CTNNA3: variants seen among roughly 807,000 people sequenced by gnomAD.
CTNNA3 encodes the protein catenin alpha-3.
A neutral mutation model predicts 95.7 loss-of-function variants in CTNNA3; 76 were observed. That is an observed-to-expected ratio of 0.79 (90% CI 0.66 to 0.96). The LOEUF (loss-of-function observed/expected upper bound fraction) is 0.96. Ranked by LOEUF, CTNNA3 falls within the 40% of genes least tolerant of loss-of-function variation. The probability of loss-of-function intolerance (pLI) is 0.00; values close to 1 mark genes in which losing one functional copy is unlikely to be tolerated. For synonymous variants in CTNNA3, 431 were observed against 374.4 expected (o/e 1.15, Z -1.74); for missense variants, 1,191 against 1,089.8 (o/e 1.09, Z -1.31).
intron 15 of CTNNA3, among the ~76,000 whole-genome samples, chr10:66,021,254 C>G (rs1480807164): frequency 2.6e-5 from 4 of 152,114 alleles, no homozygotes; most frequent in Non-Finnish European, 5.9e-5. Context: ...ATCAAACCTA[C>G]TAAATTAGGA....
chr10:67,135,305 A>C (rs1860236567), intron 7 of CTNNA3, among the ~76,000 whole-genome samples: 1 of 152,102 alleles, frequency 6.6e-6, no homozygotes, highest in African/African-American at 2.4e-5. Flanking sequence ...CTTTCAGCTG[A>C]GCATAATCCC....
intron 1 of CTNNA3, among the ~76,000 whole-genome samples, chr10:67,656,810 A>T (rs1195055835): frequency 2.0e-5 from 3 of 152,160 alleles, no homozygotes; most frequent in Non-Finnish European, 2.9e-5. Flanking sequence ...AGGCCAGTGT[A>T]AGCAGGGCAG....
rs534737987 is a variant in CTNNA3 at position 66,518,842 on chromosome 10, T to G, written c.1531+1775A>C. Among the ~76,000 whole-genome samples, 22 of 152,144 alleles carry G rather than the reference T, an allele frequency of 1.4e-4. No homozygotes were observed. The South Asian group carries it at 2.3e-3, about 16-fold the overall frequency. ...TTTTTTTCCCATACATTTTCTATAT[T>G]TCCAAAGATTTTGATTCTATAAAAA... On this transcript the variant is annotated intron_variant, in intron 11 of 17. Coordinates refer to ENST00000433211, the MANE Select transcript of CTNNA3 (RefSeq NM_013266.4).
chr10:67,638,996 A>AAT (rs1212537049), intron 2 of CTNNA3, among the ~76,000 whole-genome samples: 2 of 152,202 alleles, frequency 1.3e-5, no homozygotes, highest in Non-Finnish European at 2.9e-5. Flanking sequence ...GAAAGCAAGA[A>AAT]ATAAGTAAGA....
chr10:65,913,934 A>G lies in CTNNA3; in HGVS notation c.*6396T>C, dbSNP rs1380514071. On this transcript the variant is annotated 3_prime_UTR_variant, in exon 18 of 18. Transcript: ENST00000433211. ...AGCTGGGCTGTCAGAATAGAAAAGCAAGATATCTACAGGCTTTTGAACTAT... is the reference window on the plus strand; with the variant it reads ...AGCTGGGCTGTCAGAATAGAAAAGCGAGATATCTACAGGCTTTTGAACTAT... 1.3e-5 allele frequency: 2 copies of G among 152,174 alleles called. No homozygotes were observed. The highest frequency in any genetic ancestry group is 4.8e-5 in the African/African-American group (2 of 41,450). 9.4% of individuals were successfully genotyped at this position (152,174 alleles called of 1,614,324 possible).
chr10:66,038,722 A>T (rs1006677454), intron 15 of CTNNA3, among the ~76,000 whole-genome samples: 2 of 152,186 alleles, frequency 1.3e-5, no homozygotes, highest in African/African-American at 4.8e-5. Context: ...GCATGAAAGG[A>T]TGAGAAGTTT....
intron 11 of CTNNA3, among the ~76,000 whole-genome samples, chr10:66,486,016 C>A (rs1250008473): frequency 6.6e-6 from 1 of 152,096 alleles, no homozygotes; most frequent in Non-Finnish European, 1.5e-5. Flanking sequence ...GATAAAACTG[C>A]AGAAGAATAC....
intron 9 of CTNNA3, among the ~76,000 whole-genome samples, chr10:66,663,137 T>A (rs956200743): frequency 6.6e-6 from 1 of 152,112 alleles, no homozygotes; most frequent in African/African-American, 2.4e-5. Flanking sequence ...TATCTTACTA[T>A]AATCTATTCT....
rs376650412 is a variant in CTNNA3 at position 67,019,279 on chromosome 10, C to T, written c.1047+161038G>A. On this transcript the variant is annotated intron_variant, in intron 7 of 17. Transcript: ENST00000433211. Reference sequence around the variant, plus strand: ...TGTTGCCCAGGCTGGAGTGTAATGGCGTTATCTTGGCTCACCACAACCTCT... The same window carrying T: ...TGTTGCCCAGGCTGGAGTGTAATGGTGTTATCTTGGCTCACCACAACCTCT... 5.9e-5 allele frequency among the ~76,000 whole-genome samples: 9 copies of T among 152,064 alleles called. No individual in the cohort carries two copies. The South Asian group carries it at 1.2e-3, about 21-fold the overall frequency.
At chr10:67,336,699 C>T (rs1256686210) in intron 5 of CTNNA3, among the ~76,000 whole-genome samples, 1 of 152,180 alleles carries the variant, frequency 6.6e-6, no homozygotes, top group Non-Finnish European at 1.5e-5. Flanking sequence ...GCTAATGCAG[C>T]TGATGACTCT....
chr10:67,516,241 A>G (rs945713323), intron 5 of CTNNA3, among the ~76,000 whole-genome samples: 3 of 152,144 alleles, frequency 2.0e-5, no homozygotes, highest in African/African-American at 4.8e-5. Flanking sequence ...GTTAGCCCCA[A>G]TGGAAAGTTA....
chr10:67,533,210 G>A (rs1840388038), intron 4 of CTNNA3, among the ~76,000 whole-genome samples: 1 of 152,042 alleles, frequency 6.6e-6, no homozygotes, highest in Admixed American at 6.6e-5. Flanking sequence ...TGTAATCCCA[G>A]CTACTCGGGA....
At chr10:67,521,380 A>G (rs973146612) in intron 5 of CTNNA3, among the ~76,000 whole-genome samples, 30 of 152,202 alleles carry the variant, frequency 2.0e-4, no homozygotes, top group Non-Finnish European at 3.2e-4. Flanking sequence ...ACTCATCTTC[A>G]AAGATCAAAG....
chr10:66,373,309 T>C (rs534096267), intron 12 of CTNNA3, among the ~76,000 whole-genome samples: 1 of 152,244 alleles, frequency 6.6e-6, no homozygotes, highest in Admixed American at 6.5e-5. Context: ...ATCCTTAGTC[T>C]CTTAACTAGA....
intron 9 of CTNNA3, among the ~76,000 whole-genome samples, chr10:66,732,355 C>A (rs1848989422): frequency 6.6e-6 from 1 of 152,198 alleles, no homozygotes; most frequent in Non-Finnish European, 1.5e-5. Context: ...TAATTTAGCA[C>A]TACAGAGTGT....
intron 7 of CTNNA3, among the ~76,000 whole-genome samples, chr10:66,896,036 G>A (rs759522758): frequency 1.1e-4 from 17 of 152,022 alleles, no homozygotes; most frequent in Non-Finnish European, 2.4e-4. Context: ...GGTGGAGGTT[G>A]TGGTGAGCCG....
intron 7 of CTNNA3, among the ~76,000 whole-genome samples, chr10:67,100,966 T>C: frequency 6.6e-6 from 1 of 151,788 alleles, no homozygotes; most frequent in Middle Eastern, 3.4e-3. Context: ...AGAATATATA[T>C]CTATATATAT....
chr10:66,165,270 G>C (rs1422654091), intron 13 of CTNNA3, among the ~76,000 whole-genome samples: 1 of 152,006 alleles, frequency 6.6e-6, no homozygotes, highest in Non-Finnish European at 1.5e-5. Flanking sequence ...CATATATAAA[G>C]ATGGCAACAG....
intron 11 of CTNNA3, among the ~76,000 whole-genome samples, chr10:66,518,345 TATTC>T (rs1840936179): frequency 6.6e-6 from 1 of 152,076 alleles, no homozygotes; most frequent in Non-Finnish European, 1.5e-5. Flanking sequence ...ATGTCCAGAG[TATTC>T]TCCCTATGTG....
Sources: gnomAD v4.1 joint callset for allele counts (sites outside exome capture counted in the v4.1 genomes callset) on GRCh38, gnomAD v4.1.1 for gene constraint, MANE v1.5 for transcripts, NCBI Gene and HGNC (gene_info 2026-07-23, HGNC 2026-07-21) for gene names.